The following CREB5 variants were observed in gnomAD, a reference collection of about 807,000 sequenced individuals.
CREB5 encodes the protein cAMP responsive element binding protein 5, also known as cyclic AMP-responsive element-binding protein 5.
CREB5 carries 19 observed loss-of-function variants against 57.1 expected under a neutral mutation model. The ratio of observed to expected loss-of-function variants is 0.33; its 90% CI spans 0.23 to 0.49. The LOEUF is 0.49. CREB5 is among the 20% of genes least tolerant of loss of function. The probability of loss-of-function intolerance (pLI) is 0.99; values close to 1 mark genes in which losing one functional copy is unlikely to be tolerated. For missense variants in CREB5, 579 were observed against 671.6 expected (o/e 0.86, Z 1.52); for synonymous variants, 238 against 238.3 (o/e 1.00, Z 0.01).
chr7:28,745,354 C>T (rs985634676), intron 7 of CREB5, among the ~76,000 whole-genome samples: 3 of 152,186 alleles, frequency 2.0e-5, no homozygotes, highest in African/African-American at 7.2e-5. Context: ...GGTCCTTGTG[C>T]TGTATCTCTA....
At chr7:28,637,298 T>C (rs1019686707) in intron 5 of CREB5, among the ~76,000 whole-genome samples, 1 of 152,192 alleles carries the variant, frequency 6.6e-6, no homozygotes, top group Non-Finnish European at 1.5e-5. Context: ...AATCATTCAT[T>C]TATTCATTCA....
At chr7:28,343,713 C>A (rs1785980401) in intron 1 of CREB5, among the ~76,000 whole-genome samples, 1 of 152,154 alleles carries the variant, frequency 6.6e-6, no homozygotes, top group African/African-American at 2.4e-5. Flanking sequence ...GGTTTCATTT[C>A]TTTTGGATGT....
chr7:28,783,655 C>T (rs1348856876), intron 7 of CREB5, among the ~76,000 whole-genome samples: 1 of 152,104 alleles, frequency 6.6e-6, no homozygotes, highest in African/African-American at 2.4e-5. Context: ...CTAGAGTCAC[C>T]AACAGCTGCA....
intron 5 of CREB5, among the ~76,000 whole-genome samples, chr7:28,667,354 C>T (rs1799866156): frequency 6.6e-6 from 1 of 151,164 alleles, no homozygotes; most frequent in Non-Finnish European, 1.5e-5. Context: ...TATGTGACCC[C>T]TTAGAAATTT....
intron 5 of CREB5, among the ~76,000 whole-genome samples, chr7:28,571,106 C>T (rs56928451): frequency 1.3e-5 from 2 of 151,924 alleles, no homozygotes; most frequent in African/African-American, 4.8e-5. Context: ...CTGGGTGGGG[C>T]GTGTCCACAA....
At chr7:28,803,568 C>A (rs1345859699) in intron 7 of CREB5, among the ~76,000 whole-genome samples, 1 of 151,904 alleles carries the variant, frequency 6.6e-6, no homozygotes, top group African/African-American at 2.4e-5. Context: ...ACCAGCCTGG[C>A]CAAGATGATG....
At chr7:28,448,659 C>A (rs73075829) in intron 1 of CREB5, among the ~76,000 whole-genome samples, 1 of 152,198 alleles carries the variant, frequency 6.6e-6, no homozygotes, top group Non-Finnish European at 1.5e-5. Context: ...ACCAGCCTTG[C>A]CTTCCAGAAC....
intron 7 of CREB5, among the ~76,000 whole-genome samples, chr7:28,732,552 AG>A (rs1803708113): frequency 6.6e-6 from 1 of 152,184 alleles, no homozygotes; most frequent in South Asian, 2.1e-4. Context: ...CAGAAAAGCC[AG>A]GAAAAAAAAA....
intron 7 of CREB5, among the ~76,000 whole-genome samples, chr7:28,801,916 C>A (rs925251510): frequency 6.6e-6 from 1 of 151,450 alleles, no homozygotes; most frequent in African/African-American, 2.4e-5. Flanking sequence ...GAAACCCTGT[C>A]TCTACTAAAA....
At chr7:28,560,892 G>GCA (rs1293177752) in intron 4 of CREB5, among the ~76,000 whole-genome samples, 5 of 38,108 alleles carry the variant, frequency 1.3e-4, no homozygotes, top group African/African-American at 6.8e-4. Context: ...GCGTGCGTGT[G>GCA]TGTGCGTGCG....
At chr7:28,705,386 G>GA (rs113128305) in intron 5 of CREB5, among the ~76,000 whole-genome samples, 123 of 143,230 alleles carry the variant, frequency 8.6e-4, no homozygotes, top group Non-Finnish European at 1.3e-3. Flanking sequence ...AAAAAAGAAA[G>GA]AAAGAAAAGA....
chr7:28,440,083 A>C lies in CREB5; in HGVS notation c.3+27166A>C, dbSNP rs6963183. On this transcript the variant is annotated intron_variant, in intron 1 of 10. Transcript: ENST00000357727. ...TCTTCCAATAGACTTTACCTGTCTC[A>C]GGGGTGCAAAACATTCCAACAGGAA... Among the ~76,000 whole-genome samples the C allele has an allele frequency of 1.9e-3, 294 of 152,306 alleles. 2 individuals are homozygous for C. The highest frequency in any genetic ancestry group is 6.8e-3 in the African/African-American group (284 of 41,564).
At chr7:28,369,843 G>T (rs910799801) in intron 1 of CREB5, among the ~76,000 whole-genome samples, 1 of 152,212 alleles carries the variant, frequency 6.6e-6, no homozygotes, top group South Asian at 2.1e-4. Context: ...TATTCTGATT[G>T]CTTCACTTCA....
chr7:28,516,323 C>T (rs1056674458), intron 4 of CREB5, among the ~76,000 whole-genome samples: 1 of 152,032 alleles, frequency 6.6e-6, no homozygotes, highest in Non-Finnish European at 1.5e-5. Flanking sequence ...TTAGAGAGAT[C>T]GGTGTGGGAC....
intron 1 of CREB5, among the ~76,000 whole-genome samples, chr7:28,317,132 G>T (rs1373814892): frequency 1.3e-5 from 2 of 151,716 alleles, no homozygotes; most frequent in Non-Finnish European, 2.9e-5. Context: ...TTTATCTGAT[G>T]ATTTTTTGCA....
chr7:28,460,764 C>T (rs1051718768), intron 1 of CREB5, among the ~76,000 whole-genome samples: 1 of 151,686 alleles, frequency 6.6e-6, no homozygotes, highest in Non-Finnish European at 1.5e-5. Flanking sequence ...GCTTCGTAAA[C>T]GTCAGCTATT....
chr7:28,789,165 C>G (rs1249788968), intron 7 of CREB5, among the ~76,000 whole-genome samples: 2 of 152,210 alleles, frequency 1.3e-5, no homozygotes, highest in Non-Finnish European at 2.9e-5. Context: ...GTATTTGTCA[C>G]TATAGATGCT....
chr7:28,820,378 A>C lies in CREB5; in HGVS notation c.*1099A>C, dbSNP rs371000383. The C allele has an allele frequency of 6.6e-6, 1 of 152,040 alleles. No homozygotes were observed. The allele number at this position is 152,040 out of a possible 1,614,324, so 9.4% of individuals were successfully genotyped here. On this transcript the variant is annotated 3_prime_UTR_variant, in exon 11 of 11. Transcript: ENST00000357727. ...GGGCTCTATTCACTACACAGATTAC[A>C]TTGTTCAATCATCAGCTGCTAATAG...
intron 7 of CREB5, among the ~76,000 whole-genome samples, chr7:28,773,618 T>C (rs1483516276): frequency 1.3e-5 from 2 of 152,208 alleles, no homozygotes; most frequent in Admixed American, 1.3e-4. Context: ...GGCATGGCTG[T>C]GTTCCAATAA....
Sources: gnomAD v4.1 joint callset for allele counts (sites outside exome capture counted in the v4.1 genomes callset) on GRCh38, gnomAD v4.1.1 for gene constraint, MANE v1.5 for transcripts, NCBI Gene and HGNC (gene_info 2026-07-23, HGNC 2026-07-21) for gene names.